The following RABGAP1 variants were observed in gnomAD, a reference collection of about 807,000 sequenced individuals.
RABGAP1 encodes RAB GTPase activating protein 1, also known as rab GTPase-activating protein 1.
In RABGAP1, 23 loss-of-function variants were observed where a neutral mutation model predicts 137.6. That is an observed-to-expected ratio of 0.17 (90% CI 0.12 to 0.24). The LOEUF (loss-of-function observed/expected upper bound fraction) is 0.24. RABGAP1 is among the 10% of genes least tolerant of loss of function. The pLI is 1.00. For synonymous variants in RABGAP1, 451 were observed against 450.7 expected (o/e 1.00, Z -0.01); for missense variants, 906 against 1,275.8 (o/e 0.71, Z 4.42).
intron 13 of RABGAP1, among the ~76,000 whole-genome samples, chr9:123,032,265 A>T (rs2032343275): frequency 6.6e-6 from 1 of 152,196 alleles, no homozygotes; most frequent in East Asian, 1.9e-4. Context: ...CTGTGAAGTA[A>T]GGAGTGTTGT....
upstream of RABGAP1, chr9:122,939,936 G>C (rs1833466009): frequency 6.6e-6 from 1 of 152,182 alleles, no homozygotes; most frequent in Non-Finnish European, 1.5e-5. Context: ...CAGGAAAAGA[G>C]CATATGCCAG....
chr9:123,057,420 G>T (rs2033770727), intron 13 of RABGAP1, among the ~76,000 whole-genome samples: 2 of 149,944 alleles, frequency 1.3e-5, no homozygotes, highest in South Asian at 4.2e-4. Flanking sequence ...AGACGGGGCG[G>T]CAGGGCAGAG....
chr9:123,020,427 C>G lies in RABGAP1; in HGVS notation c.1762C>G (p.Leu588Val). Residue 588 changes from leucine (L) to valine (V), a missense_variant, in exon 13 of 26, where the codon CTG (leucine) becomes GTG (valine). This residue lies in a region of RABGAP1 where 212 missense variants were observed against 289.4 expected (regional missense o/e 0.73). Transcript: ENST00000373647. The part of the protein sequence containing the change: ...LLAGCHNNDH[L>V]VEKYRILITK... ...AGCAGGCTGTCATAACAATGACCAC[C>G]TGGTAGAGAAATACCGCATTCTTAT... 1 of 1,604,722 alleles carries G rather than the reference C, an allele frequency of 6.2e-7. No homozygotes were observed. Among genetic ancestry groups the G allele is most frequent in the East Asian group, 2.2e-5 (1 of 44,616 alleles).
chr9:123,002,084 C>G (rs1407895580), intron 10 of RABGAP1, among the ~76,000 whole-genome samples: 1 of 152,024 alleles, frequency 6.6e-6, no homozygotes, highest in East Asian at 1.9e-4. Flanking sequence ...GGCGGATCAC[C>G]TGAGGTTGGG....
At chr9:122,959,803 T>G (rs1834754391) in intron 2 of RABGAP1, among the ~76,000 whole-genome samples, 1 of 152,208 alleles carries the variant, frequency 6.6e-6, no homozygotes, top group African/African-American at 2.4e-5. Context: ...CCATGCCTGT[T>G]TCTGGCCAAG....
chr9:122,941,234 G>C (rs1238304481), intron 1 of RABGAP1, 141 bp downstream of exon 1: 2 of 152,320 alleles, frequency 1.3e-5, no homozygotes, highest in African/African-American at 2.4e-5. Context: ...CAGCTCCCTC[G>C]ACGGGCCGAG....
At chr9:122,967,636 T>C (rs1188766043) in intron 2 of RABGAP1, among the ~76,000 whole-genome samples, 1 of 152,242 alleles carries the variant, frequency 6.6e-6, no homozygotes, top group Non-Finnish European at 1.5e-5. Context: ...TGACTTACTC[T>C]TCCTGTTTCT....
intron 1 of RABGAP1, among the ~76,000 whole-genome samples, chr9:122,948,835 A>G (rs143209189): frequency 9.8e-4 from 150 of 152,300 alleles, no homozygotes; most frequent in Non-Finnish European, 1.8e-3. Context: ...CATGTTTGTC[A>G]TTTGTTTTCC....
At chr9:122,956,845 T>G (rs964891812) in intron 1 of RABGAP1, among the ~76,000 whole-genome samples, 166 bp from the exon 2 acceptor site, 1 of 152,000 alleles carries the variant, frequency 6.6e-6, no homozygotes, top group East Asian at 1.9e-4. Context: ...AATTCCCTTA[T>G]TATCTGGAAT....
chr9:123,078,602 A>G (rs974452919), intron 19 of RABGAP1, among the ~76,000 whole-genome samples: 1 of 151,992 alleles, frequency 6.6e-6, no homozygotes, highest in African/African-American at 2.4e-5. Flanking sequence ...TCTTTGAGTC[A>G]CTCTTCCCAC....
At chr9:123,067,232 C>T (rs2034205354) in intron 14 of RABGAP1, among the ~76,000 whole-genome samples, 1 of 152,180 alleles carries the variant, frequency 6.6e-6, no homozygotes, top group East Asian at 1.9e-4. Context: ...GTTTTCAGTC[C>T]TGTCTTTGTC....
intron 13 of RABGAP1, among the ~76,000 whole-genome samples, chr9:123,046,476 A>G (rs1396314983): frequency 1.3e-5 from 2 of 152,238 alleles, no homozygotes; most frequent in Non-Finnish European, 2.9e-5. Context: ...TGAGAGGCAG[A>G]CAGACCTGGG....
At chr9:123,052,240 G>C (rs2033515283) in intron 13 of RABGAP1, among the ~76,000 whole-genome samples, 1 of 152,164 alleles carries the variant, frequency 6.6e-6, no homozygotes, top group South Asian at 2.1e-4. Flanking sequence ...CTGGGTTCCA[G>C]ACCTAGCTTC....
In RABGAP1 at chr9:123,058,050, A is replaced by AGGGGAGAGGGGGAGAG. The variant is rs146909267; in HGVS notation, c.1795-7291_1795-7276dup. ...CATCAGAGGGAGACCGTGGAAAGAG[A>AGGGGAGAGGGGGAGAG]GGGGAGAGGGGGAGAGGGGGAGGAG... On this transcript the variant is annotated intron_variant, in intron 13 of 25. Coordinates refer to ENST00000373647, the MANE Select transcript of RABGAP1 (RefSeq NM_012197.4). 1.9e-3 allele frequency among the ~76,000 whole-genome samples: 260 copies of AGGGGAGAGGGGGAGAG among 136,810 alleles called. 4 individuals are homozygous for AGGGGAGAGGGGGAGAG. Among genetic ancestry groups the AGGGGAGAGGGGGAGAG allele is most frequent in the East Asian group, 3.0e-3 (13 of 4,386 alleles). 89.8% of individuals were successfully genotyped at this position (136,810 alleles called of 152,430 possible). A position where few individuals can be genotyped will look rare whatever the true frequency, so the allele number is the denominator to read the frequency against.
In RABGAP1 at chr9:122,984,502, T is replaced by C; in HGVS notation, c.168T>C (p.Ser56=). 2 of 1,613,974 alleles carry C rather than the reference T, an allele frequency of 1.2e-6. No homozygotes were observed. Among genetic ancestry groups the C allele is most frequent in the Non-Finnish European group, 1.7e-6 (2 of 1,179,952 alleles). ...KTGLKIVGNG[S]EQQLQKELAD... ...ACCCTTAGATTGTAGGGAATGGAAGTGAACAGCAGCTGCAAAAAGAGCTAG... is the reference window on the plus strand; with the variant it reads ...ACCCTTAGATTGTAGGGAATGGAAGCGAACAGCAGCTGCAAAAAGAGCTAG... The change falls in exon 3 of 26, where the codon AGT becomes AGC. Residue 56 remains serine (S), a synonymous_variant. Coordinates refer to ENST00000373647, the MANE Select transcript of RABGAP1 (RefSeq NM_012197.4).
At chr9:123,035,529 T>C in intron 13 of RABGAP1, 1 of 1,614,042 alleles carries the variant, frequency 6.2e-7, no homozygotes, top group East Asian at 2.2e-5. Flanking sequence ...TCTCAGGGGC[T>C]ATGTGTACTT....
chr9:123,019,686 T>TG (rs1554718960), intron 12 of RABGAP1, among the ~76,000 whole-genome samples: 4 of 150,010 alleles, frequency 2.7e-5, no homozygotes, highest in African/African-American at 9.8e-5. Context: ...TTTGCTCTTT[T>TG]TTTGTTTGTT....
At chr9:122,996,452 G>A (rs1588237321) in intron 7 of RABGAP1, 87 bp from the exon 8 acceptor site, 1 of 1,294,998 alleles carries the variant, frequency 7.7e-7, no homozygotes, top group Non-Finnish European at 1.1e-6. Flanking sequence ...TTTTCTATCA[G>A]CAAGAATTTG....
At chr9:123,062,207 G>GCA (rs2034001525) in intron 13 of RABGAP1, 1 of 152,300 alleles carries the variant, frequency 6.6e-6, no homozygotes, top group Admixed American at 6.5e-5. Flanking sequence ...GGCGGAGGTT[G>GCA]CGGTGAGCCA....
Sources: gnomAD v4.1 joint callset for allele counts (sites outside exome capture counted in the v4.1 genomes callset) on GRCh38, gnomAD v4.1.1 for gene constraint, gnomAD v4.1.1 regional missense constraint, MANE v1.5 for transcripts, NCBI Gene and HGNC (gene_info 2026-07-23, HGNC 2026-07-21) for gene names.